TCERG1L: variants seen among roughly 807,000 people sequenced by gnomAD.
The protein encoded by TCERG1L is transcription elongation regulator 1 like, also known as transcription elongation regulator 1-like protein.
A neutral mutation model predicts 56.3 loss-of-function variants in TCERG1L; 37 were observed. That is an observed-to-expected ratio of 0.66 (90% confidence interval 0.51 to 0.87). TCERG1L has a LOEUF of 0.87. Ranked by LOEUF, TCERG1L falls within the 40% of genes least tolerant of loss-of-function variation. The pLI is 0.00. For missense variants in TCERG1L, 799 were observed against 774.2 expected (o/e 1.03, Z -0.38); for synonymous variants, 324 against 326.3 (o/e 0.99, Z 0.08).
chr10:131,252,625 G>A (rs1846124652), intron 4 of TCERG1L, among the ~76,000 whole-genome samples: 1 of 152,126 alleles, frequency 6.6e-6, no homozygotes, highest in South Asian at 2.1e-4. Flanking sequence ...CGTCTCCAAC[G>A]AGCGCCCATC....
At chr10:131,188,099 A>G (rs1033735905) in intron 4 of TCERG1L, among the ~76,000 whole-genome samples, 1 of 152,216 alleles carries the variant, frequency 6.6e-6, no homozygotes, top group Non-Finnish European at 1.5e-5. Flanking sequence ...ACTCTGGTGC[A>G]ATTAGAGCTG....
intron 3 of TCERG1L, among the ~76,000 whole-genome samples, chr10:131,270,656 A>T (rs553573640): frequency 1.3e-5 from 2 of 152,288 alleles, no homozygotes; most frequent in African/African-American, 4.8e-5. Flanking sequence ...TTGCATTGTT[A>T]TTGCCACTCC....
At chr10:131,220,639 G>T (rs904639997) in intron 4 of TCERG1L, among the ~76,000 whole-genome samples, 1 of 152,172 alleles carries the variant, frequency 6.6e-6, no homozygotes, top group African/African-American at 2.4e-5. Flanking sequence ...GCAGGGAGCT[G>T]CTCCCAGGAC....
At chr10:131,114,183 G>T (rs1471913186) in intron 9 of TCERG1L, among the ~76,000 whole-genome samples, 1 of 142,110 alleles carries the variant, frequency 7.0e-6, no homozygotes, top group Non-Finnish European at 1.6e-5. Context: ...TTTCTGAACG[G>T]AAGTATTGAA....
chr10:131,247,078 T>C lies in TCERG1L; in HGVS notation c.856+13181A>G, dbSNP rs1435153848. Among the ~76,000 whole-genome samples the C allele has an allele frequency of 1.1e-4, 15 of 138,854 alleles. No individual in the cohort carries two copies. The Admixed American group carries it at 1.1e-3, about 10-fold the overall frequency. 91.1% of individuals were successfully genotyped at this position (138,854 alleles called of 152,430 possible). A position where few individuals can be genotyped will look rare whatever the true frequency, so the allele number is the denominator to read the frequency against. ...TGTGTAGGGAGGGGAGTATGCCAGC[T>C]CGTTCAGCAGCCACCAAGCCCAGGT... On this transcript the variant is annotated intron_variant, in intron 4 of 11. Coordinates refer to ENST00000368642, the MANE Select transcript of TCERG1L (RefSeq NM_174937.4).
At chr10:131,130,708 C>G (rs1411389337) in intron 8 of TCERG1L, among the ~76,000 whole-genome samples, 6 of 152,162 alleles carry the variant, frequency 3.9e-5, no homozygotes, top group African/African-American at 1.4e-4. Flanking sequence ...ATTTATACCT[C>G]CAAGTAGTGA....
At position 131,113,748 on chromosome 10, in the gene TCERG1L, AG is replaced by A. The variant is rs1196974152; in HGVS notation, c.1395+3050del. ...AGGGACCCCTGAAAAGGACCAGGACAGCCCCTGAGTCCCTAAGTCAAAATAG... is the reference window on the plus strand; with the variant it reads ...AGGGACCCCTGAAAAGGACCAGGACACCCCTGAGTCCCTAAGTCAAAATAG... On this transcript the variant is annotated intron_variant, in intron 9 of 11. Coordinates refer to ENST00000368642, the MANE Select transcript of TCERG1L (RefSeq NM_174937.4). 1.4e-4 allele frequency among the ~76,000 whole-genome samples: 20 copies of A among 142,114 alleles called. 2 individuals carry two copies. Among genetic ancestry groups the A allele is most frequent in the African/African-American group, 5.0e-4 (20 of 40,400 alleles). The allele number at this position is 142,114 out of a possible 152,430, so 93.2% of individuals were successfully genotyped here. A position where few individuals can be genotyped will look rare whatever the true frequency, so the allele number is the denominator to read the frequency against.
intron 3 of TCERG1L, among the ~76,000 whole-genome samples, chr10:131,275,294 G>C (rs1427600056): frequency 6.6e-6 from 1 of 152,170 alleles, no homozygotes; most frequent in African/African-American, 2.4e-5. Flanking sequence ...ATGTCTAATC[G>C]AGTCACCGGA....
chr10:131,094,464 G>A (rs896030683), intron 11 of TCERG1L, among the ~76,000 whole-genome samples: 2 of 152,224 alleles, frequency 1.3e-5, no homozygotes, highest in Non-Finnish European at 2.9e-5. Context: ...ATGCCGACAT[G>A]GCTGTTAGAA....
At chr10:131,126,227 C>T (rs1045955867) in intron 8 of TCERG1L, among the ~76,000 whole-genome samples, 5 of 152,246 alleles carry the variant, frequency 3.3e-5, no homozygotes, top group Admixed American at 6.5e-5. Flanking sequence ...TGTGACCACA[C>T]TCATCTGTCC....
intron 4 of TCERG1L, among the ~76,000 whole-genome samples, chr10:131,250,897 G>A (rs775520127): frequency 6.6e-6 from 1 of 152,174 alleles, no homozygotes; most frequent in Non-Finnish European, 1.5e-5. Context: ...ACGGCTCCAT[G>A]TGACATAGGA....
Position 131,093,269 on chromosome 10 carries a change from G to A in TCERG1L, c.1654C>T (p.Arg552Ter), listed in dbSNP as rs372571550. The change falls in exon 12 of 12, where the codon CGA becomes TGA. Residue 552 changes from arginine to a stop codon, truncating the protein, a stop_gained. Coordinates refer to ENST00000368642, the MANE Select transcript of TCERG1L (RefSeq NM_174937.4). LOFTEE classifies it high-confidence loss of function. ...TGGTCCTTTCTTTTTTGAACAAGTC[G>A]GAACCTCTGATCCCGGCCGTATTTC... ...AEKYGRDQRFRLVQKRKDQEH... is the reference protein window; with the variant it reads ...AEKYGRDQRF 9.9e-6 allele frequency: 16 copies of A among 1,613,756 alleles called. No homozygotes were observed. Among genetic ancestry groups the A allele is most frequent in the South Asian group, 5.5e-5 (5 of 91,076 alleles).
chr10:131,151,155 C>T (rs1845861884), intron 6 of TCERG1L, among the ~76,000 whole-genome samples: 1 of 152,176 alleles, frequency 6.6e-6, no homozygotes, highest in Non-Finnish European at 1.5e-5. Flanking sequence ...TCTCATGTTC[C>T]TTTCACATTT....
chr10:131,117,225 G>T (rs897625659), intron 8 of TCERG1L, among the ~76,000 whole-genome samples: 1 of 152,144 alleles, frequency 6.6e-6, no homozygotes, highest in Admixed American at 6.5e-5. Flanking sequence ...GCTGCCAACC[G>T]GCATGTCTCC....
At chr10:131,167,724 C>T (rs1846047391) in intron 4 of TCERG1L, among the ~76,000 whole-genome samples, 1 of 152,196 alleles carries the variant, frequency 6.6e-6, no homozygotes, top group South Asian at 2.1e-4. Context: ...ATGGTGGGCC[C>T]TGGTTTTTCC....
At chr10:131,153,892 T>C (rs1049393273) in intron 6 of TCERG1L, among the ~76,000 whole-genome samples, 1 of 152,170 alleles carries the variant, frequency 6.6e-6, no homozygotes, top group Non-Finnish European at 1.5e-5. Context: ...TCCTGAGCCC[T>C]GGGGAAATGC....
At chr10:131,226,322 C>T (rs537120964) in intron 4 of TCERG1L, among the ~76,000 whole-genome samples, 1 of 152,300 alleles carries the variant, frequency 6.6e-6, no homozygotes, top group South Asian at 2.1e-4. Context: ...AGTAATCTGC[C>T]CGCCTCCGCC....
rs201991690 is a variant in TCERG1L, at chr10:131,116,951, C to T, written c.1260-17G>A. The T allele has an allele frequency of 3.2e-5, 52 of 1,603,894 alleles. No individual in the cohort carries two copies. Among genetic ancestry groups the T allele is most frequent in the East Asian group, 1.8e-4 (8 of 44,564 alleles). ...CCTTCGGTCCTTCAGGAACACAAGA[C>T]GCAGAGTTAGACACACTCGTGGGGA... On this transcript the variant is annotated splice_polypyrimidine_tract_variant and intron_variant, in intron 8 of 11. Coordinates refer to ENST00000368642, the MANE Select transcript of TCERG1L (RefSeq NM_174937.4).
At chr10:131,238,517 A>G (rs561362723) in intron 4 of TCERG1L, among the ~76,000 whole-genome samples, 2 of 152,272 alleles carry the variant, frequency 1.3e-5, no homozygotes, top group African/African-American at 4.8e-5. Context: ...TCACAAGCGG[A>G]CACAAGTAAG....
Sources: gnomAD v4.1 joint callset for allele counts (sites outside exome capture counted in the v4.1 genomes callset) on GRCh38, gnomAD v4.1.1 for gene constraint, MANE v1.5 for transcripts, NCBI Gene and HGNC (gene_info 2026-07-23, HGNC 2026-07-21) for gene names.